The following RIMS2 variants were observed in gnomAD, a reference collection of about 807,000 sequenced individuals.
RIMS2 encodes the protein regulating synaptic membrane exocytosis protein 2.
In RIMS2, 59 loss-of-function variants were observed where a neutral mutation model predicts 174.4. The observed-to-expected ratio is 0.34, with a 90% CI of 0.27 to 0.42. The LOEUF is 0.42. RIMS2 is among the 10% of genes least tolerant of loss of function. The probability of loss-of-function intolerance (pLI) is 1.00; values close to 1 mark genes in which losing one functional copy is unlikely to be tolerated. For synonymous variants in RIMS2, 606 were observed against 572.5 expected (o/e 1.06, Z -0.84); for missense variants, 1,620 against 1,666.3 (o/e 0.97, Z 0.48).
At chr8:103,882,541 A>C (rs1204521811) in intron 3 of RIMS2, among the ~76,000 whole-genome samples, 1 of 151,598 alleles carries the variant, frequency 6.6e-6, no homozygotes, top group Non-Finnish European at 1.5e-5. Flanking sequence ...TGTAACAGTG[A>C]CAGTAGTCAT....
At chr8:103,852,373 G>C (rs1242566908) in intron 3 of RIMS2, among the ~76,000 whole-genome samples, 5 of 150,908 alleles carry the variant, frequency 3.3e-5, no homozygotes, top group African/African-American at 1.2e-4. Flanking sequence ...ATCATAGGTA[G>C]TATTACAGTA....
At chr8:103,875,933 G>A (rs1317371543) in intron 3 of RIMS2, among the ~76,000 whole-genome samples, 1 of 151,698 alleles carries the variant, frequency 6.6e-6, no homozygotes, top group Non-Finnish European at 1.5e-5. Flanking sequence ...TGTTCATGTT[G>A]TTTGTCTACT....
intron 19 of RIMS2, among the ~76,000 whole-genome samples, chr8:104,103,943 A>G (rs1221512650): frequency 1.3e-5 from 2 of 152,194 alleles, no homozygotes; most frequent in African/African-American, 2.4e-5. Context: ...GCTAGGTAAC[A>G]TACATGGTCT....
At chr8:104,011,146 A>G (rs975808453) in intron 17 of RIMS2, among the ~76,000 whole-genome samples, 2 of 152,144 alleles carry the variant, frequency 1.3e-5, no homozygotes, top group Admixed American at 6.5e-5. Context: ...TCATAGCAGT[A>G]ACATTGTGTC....
intron 2 of RIMS2, among the ~76,000 whole-genome samples, chr8:103,714,132 A>C (rs1166370277): frequency 6.6e-6 from 1 of 152,074 alleles, no homozygotes; most frequent in Admixed American, 6.5e-5. Context: ...AATTGATTAG[A>C]TCTGTTTAAT....
intron 1 of RIMS2, among the ~76,000 whole-genome samples, chr8:103,632,466 G>C (rs2135253541): frequency 6.6e-6 from 1 of 152,300 alleles, no homozygotes; most frequent in African/African-American, 2.4e-5. Context: ...TTTCGCCCAG[G>C]ATGGAGTGAG....
At chr8:103,610,203 G>T (rs776347506) in intron 1 of RIMS2, among the ~76,000 whole-genome samples, 8 of 152,166 alleles carry the variant, frequency 5.3e-5, no homozygotes, top group Non-Finnish European at 8.8e-5. Context: ...CCTTGCTGAA[G>T]TTGTTTATCA....
chr8:104,020,309 A>G (rs188062435), intron 19 of RIMS2, among the ~76,000 whole-genome samples: 5 of 152,138 alleles, frequency 3.3e-5, no homozygotes, highest in Non-Finnish European at 5.9e-5. Flanking sequence ...GAGAAACATC[A>G]ACACCACCTA....
chr8:104,055,730 A>C (rs1211646056), intron 19 of RIMS2, among the ~76,000 whole-genome samples: 1 of 152,212 alleles, frequency 6.6e-6, no homozygotes, highest in Non-Finnish European at 1.5e-5. Flanking sequence ...AAATGTATAT[A>C]GTGAAGCATT....
At position 103,529,741 on chromosome 8, in the gene RIMS2, A is replaced by G. The variant is rs922887454; in HGVS notation, c.176+28679A>G. ...GCTCACGCTGGGAGCTGTAGACTGG[A>G]GCTGTTCCTATTCGGCCATCTTCCA... On this transcript the variant is annotated intron_variant, in intron 1 of 23. Coordinates refer to ENST00000504942, the Ensembl canonical transcript of RIMS2. 3.9e-5 allele frequency among the ~76,000 whole-genome samples: 6 copies of G among 152,328 alleles called. No homozygotes were observed. In the East Asian group the frequency reaches 1.2e-3, roughly 29 times the overall value.
At chr8:104,163,432 A>G (rs2098776194) in intron 19 of RIMS2, among the ~76,000 whole-genome samples, 1 of 152,236 alleles carries the variant, frequency 6.6e-6, no homozygotes, top group African/African-American at 2.4e-5. Context: ...AGTAATAATT[A>G]GTCAACATTA....
intron 2 of RIMS2, among the ~76,000 whole-genome samples, chr8:103,732,791 C>G (rs1214532184): frequency 2.0e-5 from 3 of 152,096 alleles, no homozygotes; most frequent in Non-Finnish European, 4.4e-5. Context: ...TCTTTTTAGT[C>G]AGCTTTTAGT....
intron 19 of RIMS2, among the ~76,000 whole-genome samples, chr8:104,056,962 G>T (rs1257283483): frequency 2.0e-5 from 3 of 151,888 alleles, no homozygotes; most frequent in African/African-American, 2.4e-5. Context: ...CAGTTTCAAG[G>T]TCCCGTCAAC....
chr8:104,168,973 A>ATCCCTGCATCCCCG lies in RIMS2; in HGVS notation c.3335-75941_3335-75928dup, dbSNP rs531675019. On this transcript the variant is annotated intron_variant, in intron 19 of 23. Coordinates refer to ENST00000504942, the Ensembl canonical transcript of RIMS2. ...TTTATTGACTTGTGTATGTTAAACC[A>ATCCCTGCATCCCCG]TCCCTGCATCCCCGTTATGAAACCC... 1.5e-3 allele frequency among the ~76,000 whole-genome samples: 233 copies of ATCCCTGCATCCCCG among 152,154 alleles called. 2 individuals are homozygous for ATCCCTGCATCCCCG. The highest frequency in any genetic ancestry group is 5.1e-3 in the African/African-American group (213 of 41,520).
At chr8:103,604,212 C>A (rs1167525900) in intron 1 of RIMS2, among the ~76,000 whole-genome samples, 7 of 151,182 alleles carry the variant, frequency 4.6e-5, no homozygotes, top group Admixed American at 1.3e-4. Flanking sequence ...CAGCTTTCTA[C>A]ATATGGCTAG....
chr8:104,139,381 C>T (rs996486056), intron 19 of RIMS2, among the ~76,000 whole-genome samples: 1 of 152,070 alleles, frequency 6.6e-6, no homozygotes, highest in Non-Finnish European at 1.5e-5. Context: ...AATATTGATT[C>T]TTCCAGTCCA....
intron 3 of RIMS2, among the ~76,000 whole-genome samples, chr8:103,799,809 G>C (rs2098593506): frequency 6.6e-6 from 1 of 151,850 alleles, no homozygotes; most frequent in African/African-American, 2.4e-5. Context: ...ATTTTTGTCT[G>C]TTGTTTTTTT....
At chr8:103,658,291 G>C (rs1396997119) in intron 1 of RIMS2, among the ~76,000 whole-genome samples, 1 of 152,194 alleles carries the variant, frequency 6.6e-6, no homozygotes, top group Non-Finnish European at 1.5e-5. Flanking sequence ...CTCTTAGGTG[G>C]TAATGAAAGA....
intron 3 of RIMS2, among the ~76,000 whole-genome samples, chr8:103,853,706 T>C (rs1042717226): frequency 6.6e-6 from 1 of 152,168 alleles, no homozygotes; most frequent in African/African-American, 2.4e-5. Context: ...TATGAGGCTT[T>C]ATTTCTGAGT....
Sources: gnomAD v4.1 joint callset for allele counts (sites outside exome capture counted in the v4.1 genomes callset) on GRCh38, gnomAD v4.1.1 for gene constraint, MANE v1.5 for transcripts, NCBI Gene and HGNC (gene_info 2026-07-23, HGNC 2026-07-21) for gene names.